Variants in PATJ observed in about 807,000 individuals in gnomAD.
PATJ encodes inaD-like protein.
In PATJ, 190 loss-of-function variants were observed where a neutral mutation model predicts 224.9. That is an observed-to-expected ratio of 0.84 (90% CI 0.75 to 0.95). The LOEUF (loss-of-function observed/expected upper bound fraction) is 0.95, where lower values mean the gene tolerates loss of function less well. Ranked by LOEUF, PATJ falls within the 40% of genes least tolerant of loss-of-function variation. The pLI is 0.00. For synonymous variants in PATJ, 769 were observed against 820.3 expected (o/e 0.94, Z 1.07); for missense variants, 2,121 against 2,270.3 (o/e 0.93, Z 1.34).
At chr1:61,750,240 G>A (rs1400464028) in intron 1 of PATJ, among the ~76,000 whole-genome samples, 1 of 152,182 alleles carries the variant, frequency 6.6e-6, no homozygotes, top group Non-Finnish European at 1.5e-5. Flanking sequence ...CCAAGGTCCT[G>A]CCCTTGCTTT....
At chr1:61,857,600 C>G (rs750281990) in intron 18 of PATJ, among the ~76,000 whole-genome samples, 23 of 152,260 alleles carry the variant, frequency 1.5e-4, no homozygotes, top group Middle Eastern at 3.4e-3. Context: ...GGGCTCTGCC[C>G]CCTGGCTTTG....
At chr1:62,096,334 G>A (rs1017554834) in intron 33 of PATJ, among the ~76,000 whole-genome samples, 5 of 152,038 alleles carry the variant, frequency 3.3e-5, no homozygotes, top group Non-Finnish European at 7.4e-5. Flanking sequence ...TAAATTTTAG[G>A]GAGTAGATGG....
chr1:62,040,585 C>G (rs542805734), intron 30 of PATJ, among the ~76,000 whole-genome samples: 2 of 152,046 alleles, frequency 1.3e-5, no homozygotes, highest in South Asian at 4.2e-4. Context: ...AGGAGCCTTC[C>G]CTGCTGAGAG....
intron 22 of PATJ, among the ~76,000 whole-genome samples, chr1:61,893,818 G>A (rs771356761): frequency 9.4e-5 from 14 of 149,550 alleles, no homozygotes; most frequent in Non-Finnish European, 1.6e-4. Context: ...TGCCTATAAT[G>A]ATAGCATAAA....
At chr1:62,050,615 T>C (rs1653429263) in intron 30 of PATJ, among the ~76,000 whole-genome samples, 1 of 152,190 alleles carries the variant, frequency 6.6e-6, no homozygotes, top group Non-Finnish European at 1.5e-5. Context: ...AGCAAACCTC[T>C]CCTTATATTT....
chr1:62,053,268 G>T (rs948496520), intron 31 of PATJ, among the ~76,000 whole-genome samples: 2 of 152,126 alleles, frequency 1.3e-5, no homozygotes, highest in African/African-American at 4.8e-5. Context: ...TTTCCACTCT[G>T]TTCCCTTCCT....
At chr1:62,001,033 GTTGT>G (rs1327025277) in intron 28 of PATJ, among the ~76,000 whole-genome samples, 9 of 152,062 alleles carry the variant, frequency 5.9e-5, no homozygotes, top group African/African-American at 1.2e-4. Flanking sequence ...TTTTGATGGG[GTTGT>G]TTGTTTTTTT....
intron 1 of PATJ, among the ~76,000 whole-genome samples, chr1:61,743,836 G>T (rs139124042): frequency 2.6e-5 from 4 of 152,174 alleles, no homozygotes; most frequent in Admixed American, 1.3e-4. Flanking sequence ...AGAAATGAGC[G>T]TTATAGCCCG....
intron 31 of PATJ, among the ~76,000 whole-genome samples, chr1:62,071,490 C>CTTT (rs747065507): frequency 0.021 from 2,483 of 117,694 alleles, 113 homozygotes; most frequent in African/African-American, 0.059. Flanking sequence ...TTGTAGATCA[C>CTTT]TTTTTTTTTT....
chr1:61,934,515 A>T (rs774171184), intron 27 of PATJ, among the ~76,000 whole-genome samples: 2 of 152,114 alleles, frequency 1.3e-5, no homozygotes, highest in Admixed American at 1.3e-4. Flanking sequence ...CAACTCTTTG[A>T]ATGCATTCTC....
At chr1:62,061,815 A>G (rs1466892731) in intron 31 of PATJ, among the ~76,000 whole-genome samples, 5 of 152,000 alleles carry the variant, frequency 3.3e-5, no homozygotes, top group African/African-American at 4.8e-5. Context: ...ACCTGCCACC[A>G]TGCCCAGCTA....
At chr1:61,762,547 G>A (rs1483245976) in intron 1 of PATJ, among the ~76,000 whole-genome samples, 1 of 152,134 alleles carries the variant, frequency 6.6e-6, no homozygotes, top group Non-Finnish European at 1.5e-5. Flanking sequence ...GGGTCATATA[G>A]TAAGTGTATT....
At chr1:62,160,762 A>T in intron 43 of PATJ, 146 bp from the exon 44 acceptor site, 1 of 694,366 alleles carries the variant, frequency 1.4e-6, no homozygotes, top group Non-Finnish European at 2.3e-6. Flanking sequence ...TTCCTAATTT[A>T]AAACATTACC....
At chr1:62,078,335 T>G (rs1658677316) in intron 31 of PATJ, among the ~76,000 whole-genome samples, 1 of 152,148 alleles carries the variant, frequency 6.6e-6, no homozygotes, top group African/African-American at 2.4e-5. Flanking sequence ...CAGGCTGGAG[T>G]GCAATGGCAC....
chr1:61,827,041 A>C lies in PATJ; in HGVS notation c.1819-381A>C, dbSNP rs140375197. Reference sequence around the variant, plus strand: ...GGGAAACAGTCTTAAAGGGCTGTAAATGATACTTAGTGTGTTTAAGGGGAG... The same window carrying C: ...GGGAAACAGTCTTAAAGGGCTGTAACTGATACTTAGTGTGTTTAAGGGGAG... On this transcript the variant is annotated intron_variant, in intron 15 of 43. Coordinates refer to ENST00000642238, the MANE Select transcript of PATJ (RefSeq NM_001350145.3). 2.6e-5 allele frequency among the ~76,000 whole-genome samples: 4 copies of C among 152,300 alleles called. No individual in the cohort carries two copies. In the East Asian group the frequency reaches 7.7e-4, roughly 29 times the overall value.
At chr1:62,126,409 C>G (rs1665724010) in intron 39 of PATJ, among the ~76,000 whole-genome samples, 1 of 152,158 alleles carries the variant, frequency 6.6e-6, no homozygotes. Flanking sequence ...TCAGAGGCCA[C>G]AGGTAGTTGT....
intron 29 of PATJ, among the ~76,000 whole-genome samples, chr1:62,022,453 G>T (rs1251856602): frequency 6.6e-6 from 1 of 152,012 alleles, no homozygotes; most frequent in Non-Finnish European, 1.5e-5. Context: ...TTACAATCTG[G>T]GTGCTTGCTA....
rs1557680675 is a variant in PATJ at position 61,808,390 on chromosome 1, A to G, written c.1627-84A>G. 4.8e-5 allele frequency: 38 copies of G among 792,548 alleles called. No homozygotes were observed. In the Middle Eastern group the frequency reaches 9.1e-4, roughly 19 times the overall value. The allele number at this position is 792,548 out of a possible 1,614,324, so 49.1% of individuals were successfully genotyped here. A position where few individuals can be genotyped will look rare whatever the true frequency, so the allele number is the denominator to read the frequency against. ...AGGTCAAATAGAGTTATCAATATATAGGTTTTACAGATATTTTCAGAAAAT... is the reference window on the plus strand; with the variant it reads ...AGGTCAAATAGAGTTATCAATATATGGGTTTTACAGATATTTTCAGAAAAT... On this transcript the variant is annotated intron_variant, in intron 13 of 43. Coordinates refer to ENST00000642238, the MANE Select transcript of PATJ (RefSeq NM_001350145.3).
intron 39 of PATJ, among the ~76,000 whole-genome samples, 153 bp from the exon 40 acceptor site, chr1:62,127,819 G>A (rs913196164): frequency 2.6e-5 from 4 of 152,068 alleles, no homozygotes; most frequent in African/African-American, 9.7e-5. Context: ...AAGAGCTAGA[G>A]CTGTCTACTC....
Sources: gnomAD v4.1 joint callset for allele counts (sites outside exome capture counted in the v4.1 genomes callset) on GRCh38, gnomAD v4.1.1 for gene constraint, MANE v1.5 for transcripts, NCBI Gene and HGNC (gene_info 2026-07-23, HGNC 2026-07-21) for gene names.